RECQL4: variants seen among roughly 807,000 people sequenced by gnomAD.
The protein encoded by RECQL4 is RecQ like helicase 4.
In RECQL4, 158 loss-of-function variants were observed where a neutral mutation model predicts 128.6. The observed-to-expected ratio is 1.23, with a 90% CI of 1.08 to 1.40. RECQL4 has a LOEUF of 1.40. Ranked by LOEUF, RECQL4 falls within the 40% of genes most tolerant of loss-of-function variation. The pLI is 0.00. For synonymous variants in RECQL4, 996 were observed against 678.9 expected (o/e 1.47, Z -7.26); for missense variants, 2,293 against 1,649.8 (o/e 1.39, Z -6.75).
chr8:144,516,503 TG>T lies in RECQL4; in HGVS notation c.615del (p.Ala207ProfsTer6), dbSNP rs1815033569. 6.2e-7 allele frequency: 1 copy of T among 1,609,318 alleles called. No individual in the cohort carries two copies. Among genetic ancestry groups the T allele is most frequent in the South Asian group, 1.1e-5 (1 of 90,966 alleles). On this transcript the variant is annotated frameshift_variant, in exon 5 of 21. Transcript: ENST00000617875. LOFTEE classifies it high-confidence loss of function. Reference protein sequence around the residue: ...HSEVPDFLGAPKACRPDLGSE... With the variant: ...HSEVPDFLGAXKACRPDLGSE... ...GAGCCTAGATCAGGCCTGCAGGCTT[TG>T]GGGGCCCCCAGAAAATCTGGGACCT...
rs1317677692 is a variant in RECQL4, at chr8:144,513,089, T to G, written c.2513A>C (p.Asp838Ala). Residue 838 changes from aspartate (D) to alanine (A), a missense_variant, in exon 15 of 21, where the codon GAC becomes GCC. Coordinates refer to ENST00000617875, the MANE Select transcript of RECQL4 (RefSeq NM_004260.4). ...TACCAGCCTCTTCACAGCCAGGAAG[T>G]CCGTGCTGTCGGCGTGCACATGTCT... is the stretch of plus-strand genomic sequence containing the variant. ...LRRHVHADST[D>A]FLAVKRLVQR... 59 of 1,574,580 alleles carry G rather than the reference T, an allele frequency of 3.7e-5. No individual in the cohort carries two copies. The highest frequency in any genetic ancestry group is 4.6e-5 in the Non-Finnish European group (53 of 1,158,376).
At position 144,511,470 on chromosome 8, in the gene RECQL4, C is replaced by G. The variant is rs774611413; in HGVS notation, c.3588G>C (p.Val1196=). The G allele has an allele frequency of 6.2e-7, 1 of 1,612,576 alleles. No homozygotes were observed. The highest frequency in any genetic ancestry group is 8.5e-7 in the Non-Finnish European group (1 of 1,179,764). The change falls in exon 21 of 21, where the codon GTG becomes GTC. Residue 1196 remains valine (V), a synonymous_variant. Transcript: ENST00000617875. ...KYLHLSFHAL[V]GLATEELLQV... ...GCAGGAGCTCTTCCGTGGCCAGGCCCACCAGGGCATGGAAGCTCAGGTGCA... is the reference window on the plus strand; with the variant it reads ...GCAGGAGCTCTTCCGTGGCCAGGCCGACCAGGGCATGGAAGCTCAGGTGCA...
rs1328270719 is a variant in RECQL4, at chr8:144,512,827, G to C, written c.2755+20C>G. The C allele has an allele frequency of 6.2e-6, 10 of 1,608,050 alleles. No homozygotes were observed. Among genetic ancestry groups the C allele is most frequent in the Middle Eastern group, 1.7e-4 (1 of 6,052 alleles). ...GGGACAGCCCCTCCACACCCCTGTGGCTTACCCCAGGTTCCTCACCCTCCT... is the reference window on the plus strand; with the variant it reads ...GGGACAGCCCCTCCACACCCCTGTGCCTTACCCCAGGTTCCTCACCCTCCT... On this transcript the variant is annotated intron_variant, in intron 15 of 20. Coordinates refer to ENST00000617875, the MANE Select transcript of RECQL4 (RefSeq NM_004260.4).
Position 144,513,954 on chromosome 8 carries a change from C to A in RECQL4, c.2032G>T (p.Val678Leu). ...APVPTNLHLS[V>L]SMDRDTDQAL... ...TGGTCTGTGTCCCTGTCCATGGACACGGAAAGGTGCAGGTTGGTGGGAACT... is the reference window on the plus strand; with the variant it reads ...TGGTCTGTGTCCCTGTCCATGGACAAGGAAAGGTGCAGGTTGGTGGGAACT... The change falls in exon 12 of 21, where the codon GTG becomes TTG. Residue 678 changes from valine (V) to leucine (L), a missense_variant. Transcript: ENST00000617875. 6.4e-7 allele frequency: 1 copy of A among 1,559,856 alleles called. No homozygotes were observed. The highest frequency in any genetic ancestry group is 8.7e-7 in the Non-Finnish European group (1 of 1,152,698).
At position 144,515,349 on chromosome 8, in the gene RECQL4, A is replaced by G. The variant is rs2130707777; in HGVS notation, c.1367T>C (p.Leu456Pro). Residue 456 changes from leucine (L) to proline (P), a missense_variant, in exon 7 of 21, where the codon CTG (leucine) becomes CCG (proline). By Grantham distance (98) the Leu-to-Pro change is moderately conservative. Coordinates refer to ENST00000617875, the MANE Select transcript of RECQL4 (RefSeq NM_004260.4). ...ACCTGCCAACTGCCCTGAGGGCCCC[A>G]GGGAGTAGAGTGGCAGCACGGTGGG... ...LDPTVLPLYS[L>P]GPSGQLAETP... 2 of 1,612,694 alleles carry G rather than the reference A, an allele frequency of 1.2e-6. No homozygotes were observed. Among genetic ancestry groups the G allele is most frequent in the Non-Finnish European group, 1.7e-6 (2 of 1,179,788 alleles).
chr8:144,513,790 G>GTGTGGGGAGTGAGGAGGGGT, intron 12 of RECQL4, 78 bp from the exon 13 acceptor site: 1 of 613,902 alleles, frequency 1.6e-6, no homozygotes, highest in Non-Finnish European at 2.1e-6. Flanking sequence ...GGAGGGGTCG[G>GTGTGGGGAGTGAGGAGGGGT]CGTGGGGAGT....
Position 144,513,033 on chromosome 8 carries a change from A to C in RECQL4, c.2569T>G (p.Cys857Gly). ...QRVFPACTCT[C>G]TRPPSEQEGA... ...TCCTGCTCCGAGGGCGGCCTGGTGC[A>C]GGTGCAGGTGCAGGCTGGGAACACG... Residue 857 changes from cysteine (C) to glycine (G), a missense_variant, in exon 15 of 21, where the codon TGC becomes GGC. Physicochemically the swap from Cys to Gly is radical, Grantham distance 159. Transcript: ENST00000617875. 1 of 1,569,228 alleles carries C rather than the reference A, an allele frequency of 6.4e-7. No homozygotes were observed. The highest frequency in any genetic ancestry group is 8.6e-7 in the Non-Finnish European group (1 of 1,160,710).
In RECQL4 at chr8:144,516,906, A is replaced by G. The variant is rs1815167330; in HGVS notation, c.355-142T>C. ...GGACTAGAAAGGGAGTCAAGGGCGA[A>G]GGCCCCGAGAAGCTCCCTGAAGACT... On this transcript the variant is annotated intron_variant, in intron 4 of 20. Transcript: ENST00000617875. The G allele has an allele frequency of 8.6e-6, 12 of 1,389,212 alleles. No homozygotes were observed. The South Asian group carries it at 1.1e-4, about 13-fold the overall frequency. The allele number at this position is 1,389,212 out of a possible 1,614,324, so 86.1% of individuals were successfully genotyped here.
At position 144,516,223 on chromosome 8, in the gene RECQL4, G is replaced by A. The variant is rs1421975384; in HGVS notation, c.896C>T (p.Pro299Leu). 5 of 1,613,038 alleles carry A rather than the reference G, an allele frequency of 3.1e-6. No individual in the cohort carries two copies. The African/African-American group carries it at 4.0e-5, about 13-fold the overall frequency. ...TGGCTGTGCCTGTACAGGTTCCCCTGGAGGGTCTTCCTCAACTGCTACAGC... is the reference window on the plus strand; with the variant it reads ...TGGCTGTGCCTGTACAGGTTCCCCTAGAGGGTCTTCCTCAACTGCTACAGC... ...AGAVAVEEDP[P>L]GEPVQAQPPQ... Residue 299 changes from proline to leucine, a missense_variant, in exon 5 of 21, where the codon CCA becomes CTA. By Grantham distance (98) the Pro-to-Leu change is moderately conservative. Transcript: ENST00000617875.
intron 4 of RECQL4, 65 bp downstream of exon 4, chr8:144,516,985 G>A (rs1564809854): frequency 3.9e-6 from 6 of 1,552,072 alleles, no homozygotes; most frequent in Non-Finnish European, 5.2e-6. Context: ...AAAATGACAA[G>A]AGGGCGACCC....
At chr8:144,515,616 C>A in intron 6 of RECQL4, 148 bp downstream of exon 6, 2 of 1,441,384 alleles carry the variant, frequency 1.4e-6, no homozygotes, top group Non-Finnish European at 1.9e-6. Context: ...ATCGTCGTCC[C>A]TGCCACCCTC....
chr8:144,512,561 C>A lies in RECQL4; in HGVS notation c.2886G>T (p.Arg962Ser), dbSNP rs1564791157. Reference sequence around the variant, plus strand: ...CCAAGCACACAGCCAAAGGGGGACACCTGTGCCCAGGGAAAAAGGGACATG... The same window carrying A: ...CCAAGCACACAGCCAAAGGGGGACAACTGTGCCCAGGGAAAAAGGGACATG... ...GPAQLQALAH[R>S]CPPLAVCLAQ... Residue 962 changes from arginine to serine, a missense_variant and splice_region_variant, in exon 17 of 21, where the codon AGG (arginine) becomes AGT (serine). Physicochemically the swap from Arg to Ser is moderately radical, Grantham distance 110. Transcript: ENST00000617875. The A allele has an allele frequency of 6.2e-7, 1 of 1,612,498 alleles. No individual in the cohort carries two copies. The highest frequency in any genetic ancestry group is 1.1e-5 in the South Asian group (1 of 91,090).
chr8:144,511,973 C>T lies in RECQL4; in HGVS notation c.3331G>A (p.Glu1111Lys), dbSNP rs1331348912. ...ATGCCTCCCGGCTCCTGCCCTTCCT[C>T]TTCCTCAAAGTAGCGGCCGAGCAGG... Reference protein sequence around the residue: ...KDLLGRYFEEEEGQEPGGMED... With the variant: ...KDLLGRYFEEKEGQEPGGMED... Residue 1111 changes from glutamate to lysine, a missense_variant, in exon 19 of 21, where the codon GAG becomes AAG. Transcript: ENST00000617875. 3.7e-6 allele frequency: 6 copies of T among 1,611,568 alleles called. No individual in the cohort carries two copies. Among genetic ancestry groups the T allele is most frequent in the East Asian group, 2.2e-5 (1 of 44,886 alleles).
rs371972881 is a variant in RECQL4, at chr8:144,514,499, C to T, written c.1647G>A (p.Lys549=). 24 of 1,612,026 alleles carry T rather than the reference C, an allele frequency of 1.5e-5. No homozygotes were observed. In the Admixed American group the frequency reaches 1.5e-4, roughly 10 times the overall value. ...DQVSGLPPCL[K]AACIHSGMTR... ...TCATGCCCGAGTGTATGCAGGCCGC[C>T]TTGAGACACGGTGGCAGGCCAGACA... is the stretch of plus-strand genomic sequence containing the variant. The change falls in exon 10 of 21, where the codon AAG becomes AAA. Residue 549 remains lysine (K), a synonymous_variant. Coordinates refer to ENST00000617875, the MANE Select transcript of RECQL4 (RefSeq NM_004260.4).
rs1828034235 is a variant in RECQL4, at chr8:144,515,543, G to T, written c.1259-86C>A. The T allele has an allele frequency of 1.1e-5, 17 of 1,590,698 alleles. No homozygotes were observed. In the East Asian group the frequency reaches 3.4e-4, roughly 32 times the overall value. ...ACAACCTCTCCTTCCCCCAAAGGGG[G>T]TTGGCAGCAGGCAGTGCCCTTCCTC... On this transcript the variant is annotated intron_variant, in intron 6 of 20. Coordinates refer to ENST00000617875, the MANE Select transcript of RECQL4 (RefSeq NM_004260.4).
Position 144,514,216 on chromosome 8 carries a change from G to T in RECQL4, c.1851C>A (p.Phe617Leu), listed in dbSNP as rs754403044. The change falls in exon 11 of 21, where the codon TTC (phenylalanine) becomes TTA (leucine). Residue 617 changes from phenylalanine (F) to leucine (L), a missense_variant. Transcript: ENST00000617875. ...AHCLSQWSHN[F>L]RPCYLRVCKV... ...TGCAGACGCGCAGGTAGCAGGGCCG[G>T]AAGTTGTGGGACCACTGGGAGAGGC... The T allele has an allele frequency of 6.2e-7, 1 of 1,612,278 alleles. No individual in the cohort carries two copies. The highest frequency in any genetic ancestry group is 1.3e-5 in the African/African-American group (1 of 74,902).
At position 144,513,023 on chromosome 8, in the gene RECQL4, G is replaced by A. The variant is rs774850992; in HGVS notation, c.2579C>T (p.Pro860Leu). Residue 860 changes from proline to leucine, a missense_variant, in exon 15 of 21, where the codon CCG becomes CTG. Physicochemically the swap from Pro to Leu is moderately conservative, Grantham distance 98. Coordinates refer to ENST00000617875, the MANE Select transcript of RECQL4 (RefSeq NM_004260.4). ...CACGGCCCCTTCCTGCTCCGAGGGC[G>A]GCCTGGTGCAGGTGCAGGTGCAGGC... ...FPACTCTCTR[P>L]PSEQEGAVGG... The A allele has an allele frequency of 5.7e-6, 9 of 1,573,090 alleles. No individual in the cohort carries two copies. Among genetic ancestry groups the A allele is most frequent in the Admixed American group, 5.6e-5 (3 of 53,540 alleles).
At chr8:144,515,635 G>GA in intron 6 of RECQL4, 129 bp downstream of exon 6, 2 of 1,452,094 alleles carry the variant, frequency 1.4e-6, no homozygotes, top group Non-Finnish European at 1.9e-6. Flanking sequence ...TCCTTCAGGG[G>GA]AGCTAGGGTA....
At position 144,512,273 on chromosome 8, in the gene RECQL4, T is replaced by C. The variant is rs2130659859; in HGVS notation, c.3107A>G (p.His1036Arg). ...GGTCAAGTCCCCCGGGCTGCGAAGG[T>C]GGAAGGCCAGCTCACTGAACTCCAC... The part of the protein sequence containing the change: ...VLVEFSELAF[H>R]LRSPGDLTAE... The change falls in exon 18 of 21, where the codon CAC becomes CGC. Residue 1036 changes from histidine (H) to arginine (R), a missense_variant. By Grantham distance (29) the His-to-Arg change is conservative. Coordinates refer to ENST00000617875, the MANE Select transcript of RECQL4 (RefSeq NM_004260.4). The C allele has an allele frequency of 6.2e-7, 1 of 1,612,462 alleles. No individual in the cohort carries two copies. The highest frequency in any genetic ancestry group is 8.5e-7 in the Non-Finnish European group (1 of 1,179,772).
Sources: allele counts gnomAD v4.1 joint callset, GRCh38; gene constraint gnomAD v4.1.1; transcripts MANE v1.5; gene names NCBI Gene and HGNC (gene_info 2026-07-23, HGNC 2026-07-21).